MLIP: variants seen among roughly 807,000 people sequenced by gnomAD.
MLIP encodes muscular LMNA-interacting protein.
In MLIP, 79 loss-of-function variants were observed where a neutral mutation model predicts 84.8. That is an observed-to-expected ratio of 0.93 (90% confidence interval 0.78 to 1.12). The LOEUF (loss-of-function observed/expected upper bound fraction) is 1.12, where lower values mean the gene tolerates loss of function less well. MLIP is among the 50% of genes most tolerant of loss of function. MLIP has a pLI of 0.00. For synonymous variants in MLIP, 504 were observed against 463.0 expected (o/e 1.09, Z -1.14); for missense variants, 1,257 against 1,160.6 (o/e 1.08, Z -1.21).
At position 54,092,939 on chromosome 6, in the gene MLIP, T is replaced by C. The variant is rs528079484; in HGVS notation, c.64-28508T>C. 2.0e-5 allele frequency among the ~76,000 whole-genome samples: 3 copies of C among 152,212 alleles called. No homozygotes were observed. The East Asian group carries it at 5.8e-4, about 29-fold the overall frequency. ...CCCAGGCTGGAGTGGTGCAGTGGCATGATCTTGGCTTACTGCAACCTCTGC... is the reference window on the plus strand; with the variant it reads ...CCCAGGCTGGAGTGGTGCAGTGGCACGATCTTGGCTTACTGCAACCTCTGC... On this transcript the variant is annotated intron_variant, in intron 1 of 12. Transcript: ENST00000274897.
chr6:54,098,031 C>T (rs1768339802), intron 1 of MLIP, among the ~76,000 whole-genome samples: 1 of 151,830 alleles, frequency 6.6e-6, no homozygotes, highest in Admixed American at 6.6e-5. Flanking sequence ...TTAGCCAGTT[C>T]TAATGAGCAC....
intron 8 of MLIP, among the ~76,000 whole-genome samples, chr6:54,161,479 G>C (rs553193352): frequency 6.6e-6 from 1 of 151,522 alleles, no homozygotes; most frequent in African/African-American, 2.4e-5. Flanking sequence ...AAACACTTAA[G>C]CTCTACTCAT....
intron 2 of MLIP, 82 bp downstream of exon 2, chr6:54,121,684 T>C: frequency 9.1e-7 from 1 of 1,102,624 alleles, no homozygotes; most frequent in Non-Finnish European, 1.3e-6. Flanking sequence ...TGTGTATATT[T>C]CCTGTGCTTA....
At chr6:54,247,097 C>T (rs373858730) in intron 12 of MLIP, among the ~76,000 whole-genome samples, 5 of 152,090 alleles carry the variant, frequency 3.3e-5, no homozygotes, top group African/African-American at 7.2e-5. Context: ...TATTCCAAGG[C>T]CTTGAATGCC....
At chr6:54,149,692 A>C (rs555142703) in intron 5 of MLIP, among the ~76,000 whole-genome samples, 26 of 152,268 alleles carry the variant, frequency 1.7e-4, no homozygotes, top group Admixed American at 1.6e-3. Context: ...TACTTTCATG[A>C]ACAGAAGGGA....
chr6:54,051,955 G>A (rs1765399552), intron 1 of MLIP, among the ~76,000 whole-genome samples: 1 of 152,158 alleles, frequency 6.6e-6, no homozygotes, highest in Non-Finnish European at 1.5e-5. Context: ...GGAAGACCAA[G>A]GGTATATGGA....
In MLIP at chr6:54,239,435, T is replaced by C. The variant is rs1366013230; in HGVS notation, c.2922+8518T>C. On this transcript the variant is annotated intron_variant, in intron 12 of 13. Transcript: ENST00000502396. ...TATATGAATAGAAACATTATATATGTATACAATGTTTTGTTCTATTTTTTG... is the reference window on the plus strand; with the variant it reads ...TATATGAATAGAAACATTATATATGCATACAATGTTTTGTTCTATTTTTTG... Among the ~76,000 whole-genome samples, 4 of 147,946 alleles carry C rather than the reference T, an allele frequency of 2.7e-5. No homozygotes were observed. In the East Asian group the frequency reaches 7.8e-4, roughly 29 times the overall value.
chr6:54,145,973 G>A (rs959295398), intron 4 of MLIP, among the ~76,000 whole-genome samples: 4 of 151,950 alleles, frequency 2.6e-5, no homozygotes, highest in African/African-American at 9.7e-5. Flanking sequence ...CTAACAAAAT[G>A]TTTCATGAAA....
At chr6:54,096,040 A>T (rs1582129393) in intron 1 of MLIP, among the ~76,000 whole-genome samples, 2 of 152,182 alleles carry the variant, frequency 1.3e-5, no homozygotes, top group Non-Finnish European at 2.9e-5. Context: ...ACAACAAAAA[A>T]CTTATATCTT....
chr6:54,086,242 CAGATG>C (rs1767479324), intron 1 of MLIP, among the ~76,000 whole-genome samples: 1 of 152,126 alleles, frequency 6.6e-6, no homozygotes, highest in Non-Finnish European at 1.5e-5. Context: ...TTTACATCTC[CAGATG>C]TGACTCTATG....
rs1421434790 is a variant in MLIP at position 54,138,109 on chromosome 6, C to A, written c.2040C>A (p.His680Gln). ...LVPQLSPSAL[H>Q]PHCGSGTLPS... ...CCCAGCTCAGTCCCTCAGCTCTGCA[C>A]CCACATTGCGGCAGTGGTACCTTGC... is the stretch of plus-strand genomic sequence containing the variant. The change falls in exon 4 of 14, where the codon CAC becomes CAA. Residue 680 changes from histidine to glutamine, a missense_variant. His to Gln is a conservative substitution (Grantham distance 24, BLOSUM62 0). Transcript: ENST00000502396. 4.6e-6 allele frequency: 7 copies of A among 1,536,018 alleles called. No individual in the cohort carries two copies. The African/African-American group carries it at 9.6e-5, about 21-fold the overall frequency.
intron 1 of MLIP, among the ~76,000 whole-genome samples, chr6:54,089,204 A>C (rs1285388185): frequency 6.6e-6 from 1 of 152,214 alleles, no homozygotes; most frequent in Non-Finnish European, 1.5e-5. Flanking sequence ...TTCTCTACAT[A>C]TGTAGCCATG....
chr6:54,251,468 C>A (rs1316203484), intron 12 of MLIP, among the ~76,000 whole-genome samples: 40 of 105,218 alleles, frequency 3.8e-4, no homozygotes, highest in African/African-American at 1.1e-3. Flanking sequence ...ATATATATAT[C>A]TGTCTCTCCA....
chr6:54,160,477 A>T, intron 6 of MLIP, 39 bp from the exon 7 acceptor site: 1 of 1,611,466 alleles, frequency 6.2e-7, no homozygotes. Flanking sequence ...CAATTCCAAA[A>T]CTTATTGCTA....
chr6:54,121,267 A>C (rs962629401), intron 1 of MLIP, among the ~76,000 whole-genome samples, 180 bp from the exon 2 acceptor site: 1 of 152,208 alleles, frequency 6.6e-6, no homozygotes, highest in Non-Finnish European at 1.5e-5. Flanking sequence ...AATATCATAA[A>C]AAAGGTTCTG....
At chr6:54,145,760 A>T (rs1267741846) in intron 4 of MLIP, among the ~76,000 whole-genome samples, 2 of 151,954 alleles carry the variant, frequency 1.3e-5, no homozygotes, top group African/African-American at 4.8e-5. Context: ...TAGGCAACAG[A>T]GAAAGACTCT....
intron 11 of MLIP, among the ~76,000 whole-genome samples, chr6:54,229,390 T>C (rs563024752): frequency 6.6e-6 from 1 of 152,276 alleles, no homozygotes; most frequent in African/African-American, 2.4e-5. Context: ...AGTTCCAGGG[T>C]ATATGTGCAG....
At chr6:54,138,338 C>CTT in intron 4 of MLIP, 52 bp downstream of exon 4, 2 of 1,372,574 alleles carry the variant, frequency 1.5e-6, no homozygotes, top group Admixed American at 2.7e-5. Context: ...AGGGAAGAAT[C>CTT]TTTTTTTTTT....
At chr6:54,032,377 A>C (rs747401497) in intron 1 of MLIP, 2 of 152,068 alleles carry the variant, frequency 1.3e-5, no homozygotes, top group Non-Finnish European at 2.9e-5. Context: ...TTTTGCTTAC[A>C]TTTTTATTCT....
Sources: allele counts gnomAD v4.1 joint callset (sites outside exome capture counted in the v4.1 genomes callset), GRCh38; gene constraint gnomAD v4.1.1; transcripts MANE v1.5; gene names NCBI Gene and HGNC (gene_info 2026-07-23, HGNC 2026-07-21).